OR2L13: variants seen among roughly 807,000 people sequenced by gnomAD.
OR2L13 encodes olfactory receptor 2L13.
OR2L13 carries 14 observed loss-of-function variants against 15.3 expected under a neutral mutation model. That is an observed-to-expected ratio of 0.91 (90% CI 0.60 to 1.43). The LOEUF (loss-of-function observed/expected upper bound fraction) is 1.43, where lower values mean the gene tolerates loss of function less well. Among genes scored for constraint, OR2L13 ranks in the 40% most tolerant of loss-of-function variants. The pLI, the probability that OR2L13 is intolerant of heterozygous loss-of-function variation, is 0.00. For synonymous variants in OR2L13, 152 were observed against 142.9 expected (o/e 1.06, Z -0.45); for missense variants, 367 against 387.9 (o/e 0.95, Z 0.45).
At chr1:248,017,446 G>A in the OR2L13 span, among the ~76,000 whole-genome samples, 3 of 152,146 alleles carry the variant, frequency 2.0e-5, no homozygotes, top group Non-Finnish European at 4.4e-5. Flanking sequence ...AAGAGATATC[G>A]TAACGTCACA....
chr1:248,047,046 G>A, the OR2L13 span, among the ~76,000 whole-genome samples: 1 of 152,106 alleles, frequency 6.6e-6, no homozygotes, highest in Non-Finnish European at 1.5e-5. Flanking sequence ...AGTATGAAAT[G>A]CACACAACCA....
At chr1:248,053,457 T>C in the OR2L13 span, among the ~76,000 whole-genome samples, 1 of 152,216 alleles carries the variant, frequency 6.6e-6, no homozygotes, top group African/African-American at 2.4e-5. Flanking sequence ...TATATTCCTT[T>C]GGGTATACAC....
the OR2L13 span, chr1:248,083,499 C>T: frequency 1.9e-5 from 14 of 721,692 alleles, no homozygotes; most frequent in South Asian, 2.4e-4. Flanking sequence ...ACAATTAGCT[C>T]ACTTCATTCT....
chr1:248,067,865 TC>T, the OR2L13 span, among the ~76,000 whole-genome samples: 3 of 151,706 alleles, frequency 2.0e-5, no homozygotes, highest in Non-Finnish European at 2.9e-5. Context: ...GCTCGGAGGG[TC>T]CCACGCCCAC....
chr1:248,025,951 AGGT>A, the OR2L13 span, among the ~76,000 whole-genome samples: 1 of 144,408 alleles, frequency 6.9e-6, no homozygotes, highest in Non-Finnish European at 1.5e-5. Flanking sequence ...GACTGTTGTG[AGGT>A]GGGGGGAGGG....
At chr1:248,092,991 G>C (rs947466366), upstream of OR2L13, among the ~76,000 whole-genome samples, 1 of 152,166 alleles carries the variant, frequency 6.6e-6, no homozygotes, top group Non-Finnish European at 1.5e-5. Flanking sequence ...TGCTGAGAGG[G>C]GCTGAGCCTT....
the OR2L13 span, among the ~76,000 whole-genome samples, chr1:247,958,178 C>T: frequency 2.6e-5 from 4 of 152,006 alleles, no homozygotes; most frequent in African/African-American, 4.8e-5. Flanking sequence ...CATCTTTATT[C>T]CTGCCTTCAT....
chr1:248,060,640 T>G, the OR2L13 span: 1 of 1,508,406 alleles, frequency 6.6e-7, no homozygotes, highest in Non-Finnish European at 9.1e-7. Context: ...GTGCTTAACT[T>G]ACCCTTGTGT....
the OR2L13 span, among the ~76,000 whole-genome samples, chr1:247,961,416 T>G: frequency 6.6e-6 from 1 of 152,116 alleles, no homozygotes; most frequent in Non-Finnish European, 1.5e-5. Flanking sequence ...TTGAGGCAGA[T>G]AGATGAGAAA....
At chr1:248,023,115 G>T in the OR2L13 span, 1 of 383,462 alleles carries the variant, frequency 2.6e-6, no homozygotes, top group Non-Finnish European at 4.7e-6. Flanking sequence ...ACACTAAATT[G>T]TAAGGCCATA....
the OR2L13 span, among the ~76,000 whole-genome samples, chr1:248,047,691 A>G: frequency 1.3e-5 from 2 of 152,216 alleles, no homozygotes; most frequent in Non-Finnish European, 2.9e-5. Flanking sequence ...TAACAACCAC[A>G]CAGAGTTTTG....
the OR2L13 span, among the ~76,000 whole-genome samples, chr1:248,036,424 C>G: frequency 1.5e-4 from 23 of 152,024 alleles, no homozygotes; most frequent in Non-Finnish European, 3.1e-4. Flanking sequence ...ATCTTCATTC[C>G]TGAAAATAGG....
the OR2L13 span, among the ~76,000 whole-genome samples, chr1:248,079,254 G>A: frequency 1.6e-4 from 8 of 48,818 alleles, no homozygotes; most frequent in African/African-American, 2.3e-4. Context: ...AGGGTATACA[G>A]AAATTTTCTG....
the OR2L13 span, chr1:247,991,277 ATAT>A: frequency 1.2e-4 from 105 of 890,398 alleles, 3 homozygotes; most frequent in South Asian, 1.4e-4. Context: ...GTTAAGGAAA[ATAT>A]TATTACATGC....
the OR2L13 span, chr1:248,038,305 T>C: frequency 6.2e-7 from 1 of 1,613,146 alleles, no homozygotes; most frequent in Non-Finnish European, 8.5e-7. Flanking sequence ...GATTTCATCT[T>C]ATTGGGGCTG....
the OR2L13 span, among the ~76,000 whole-genome samples, chr1:248,034,392 C>A: frequency 6.6e-6 from 1 of 152,094 alleles, no homozygotes; most frequent in African/African-American, 2.4e-5. Context: ...GTTTTAAAAT[C>A]AGAAAGTATC....
chr1:248,042,511 AAAAT>A, the OR2L13 span, among the ~76,000 whole-genome samples: 684 of 152,220 alleles, frequency 4.5e-3, 4 homozygotes, highest in African/African-American at 0.015. Flanking sequence ...ACAATAATAA[AAAAT>A]AAATAAACAA....
chr1:247,975,524 C>T, the OR2L13 span: 1 of 1,089,268 alleles, frequency 9.2e-7, no homozygotes. Flanking sequence ...CAATCTCCAA[C>T]AGAGGACAAG....
chr1:247,983,060 A>G, the OR2L13 span, among the ~76,000 whole-genome samples: 1 of 152,148 alleles, frequency 6.6e-6, no homozygotes, highest in Non-Finnish European at 1.5e-5. Context: ...GTATATGTGT[A>G]TATCAACTTA....
Sources: allele counts gnomAD v4.1 joint callset (sites outside exome capture counted in the v4.1 genomes callset), GRCh38; gene constraint gnomAD v4.1.1; transcripts MANE v1.5; gene names NCBI Gene and HGNC (gene_info 2026-07-23, HGNC 2026-07-21).